Variants in GLG1 observed in about 807,000 individuals in gnomAD.
The protein encoded by GLG1 is golgi glycoprotein 1, also known as Golgi apparatus protein 1.
GLG1 carries 38 observed loss-of-function variants against 160.5 expected under a neutral mutation model. The observed-to-expected ratio is 0.24, with a 90% CI of 0.18 to 0.31. The LOEUF (loss-of-function observed/expected upper bound fraction) is 0.31. GLG1 is among the 10% of genes least tolerant of loss of function. GLG1 has a pLI of 1.00. For synonymous variants in GLG1, 644 were observed against 543.4 expected (o/e 1.19, Z -2.57); for missense variants, 1,373 against 1,505.2 (o/e 0.91, Z 1.45).
At chr16:74,463,522 C>T (rs202230137) in intron 19 of GLG1, 43 bp from the exon 20 acceptor site, 16 of 1,595,970 alleles carry the variant, frequency 1.0e-5, no homozygotes, top group African/African-American at 6.7e-5. Context: ...CTAAACATGG[C>T]GATTAACTCC....
Position 74,532,160 on chromosome 16 carries a change from G to C in GLG1, c.439-7C>G. The C allele has an allele frequency of 1.6e-6, 2 of 1,283,094 alleles. No homozygotes were observed. The highest frequency in any genetic ancestry group is 2.1e-5 in the South Asian group (1 of 47,824). The allele number at this position is 1,283,094 out of a possible 1,614,324, so 79.5% of individuals were successfully genotyped here. On this transcript the variant is annotated splice_polypyrimidine_tract_variant and splice_region_variant and intron_variant, in intron 1 of 25. Transcript: ENST00000422840. ...AAGAAATTTCATTTTCAGGCTAGAA[G>C]AGAAAAAAAAGAAGAGATGATGTAA...
At chr16:74,583,388 TG>T (rs1567539123) in intron 1 of GLG1, among the ~76,000 whole-genome samples, 2 of 152,194 alleles carry the variant, frequency 1.3e-5, no homozygotes, top group Admixed American at 1.3e-4. Context: ...TTGACTTTTT[TG>T]GGGGGTTGGG....
At chr16:74,558,911 G>C (rs1006109744) in intron 1 of GLG1, among the ~76,000 whole-genome samples, 1 of 152,016 alleles carries the variant, frequency 6.6e-6, no homozygotes, top group African/African-American at 2.4e-5. Context: ...TCTTAGAGAC[G>C]GGGTCTCACT....
chr16:74,477,324 T>G, intron 12 of GLG1, 72 bp downstream of exon 12: 1 of 1,089,944 alleles, frequency 9.2e-7, no homozygotes. Flanking sequence ...TTATGGTGTT[T>G]GTACTCTGCA....
intron 2 of GLG1, among the ~76,000 whole-genome samples, chr16:74,518,123 C>G (rs2017040688): frequency 6.6e-6 from 1 of 152,094 alleles, no homozygotes; most frequent in African/African-American, 2.4e-5. Context: ...GGCCTTACTA[C>G]CCAAAGTAAT....
At chr16:74,579,997 A>G (rs1260685757) in intron 1 of GLG1, among the ~76,000 whole-genome samples, 1 of 152,136 alleles carries the variant, frequency 6.6e-6, no homozygotes, top group African/African-American at 2.4e-5. Context: ...TGGGAGGCAG[A>G]GGTTGCAGTG....
intron 1 of GLG1, among the ~76,000 whole-genome samples, chr16:74,588,418 T>G (rs1333027814): frequency 6.6e-6 from 1 of 152,166 alleles, no homozygotes; most frequent in Non-Finnish European, 1.5e-5. Flanking sequence ...GGATTTGAAT[T>G]TAAGCTCTGT....
chr16:74,544,482 G>C (rs1379348131), intron 1 of GLG1, among the ~76,000 whole-genome samples: 1 of 152,022 alleles, frequency 6.6e-6, no homozygotes, highest in Admixed American at 6.6e-5. Context: ...CACCAAGCCT[G>C]GCTAATTTTG....
At chr16:74,460,536 A>G (rs2014749532) in intron 22 of GLG1, among the ~76,000 whole-genome samples, 1 of 152,202 alleles carries the variant, frequency 6.6e-6, no homozygotes, top group East Asian at 1.9e-4. Flanking sequence ...CCCCCTCTTC[A>G]CTGGCCTACT....
At chr16:74,494,852 A>G in intron 5 of GLG1, 21 bp from the exon 6 acceptor site, 1 of 1,174,810 alleles carries the variant, frequency 8.5e-7, no homozygotes, top group Non-Finnish European at 1.3e-6. Flanking sequence ...GAACATACAC[A>G]TTATTATTAC....
At chr16:74,530,036 C>T (rs1440935792) in intron 2 of GLG1, among the ~76,000 whole-genome samples, 1 of 151,598 alleles carries the variant, frequency 6.6e-6, no homozygotes, top group Non-Finnish European at 1.5e-5. Context: ...CTCAAACTCC[C>T]GACCTCAGGT....
At chr16:74,490,860 G>A (rs1235993337) in intron 8 of GLG1, 141 bp downstream of exon 8, 5 of 633,826 alleles carry the variant, frequency 7.9e-6, no homozygotes, top group African/African-American at 1.8e-5. Context: ...AAGAAGCAAC[G>A]TTCAGTCTCT....
intron 16 of GLG1, 49 bp downstream of exon 16, chr16:74,469,936 C>G: frequency 8.5e-7 from 1 of 1,177,754 alleles, no homozygotes; most frequent in Non-Finnish European, 1.3e-6. Flanking sequence ...CATTCCGGAG[C>G]TAAGAGGAAC....
Position 74,474,567 on chromosome 16 carries a change from G to T in GLG1, c.2031C>A (p.Asn677Lys). 2 of 1,549,774 alleles carry T rather than the reference G, an allele frequency of 1.3e-6. No individual in the cohort carries two copies. The highest frequency in any genetic ancestry group is 1.7e-4 in the Middle Eastern group (1 of 5,958). ...TTACCTCTGATTCTAACTCAGTGAG[G>T]TTGCCAACTATATCTCTACACTCCA... is the stretch of plus-strand genomic sequence containing the variant. Reference protein sequence around the residue: ...LVVECRDIVGNLTELESEDIQ... With the variant: ...LVVECRDIVGKLTELESEDIQ... The change falls in exon 13 of 26, where the codon AAC becomes AAA. Residue 677 changes from asparagine (N) to lysine (K), a missense_variant. Coordinates refer to ENST00000422840, the MANE Select transcript of GLG1 (RefSeq NM_001145667.2).
chr16:74,605,126 T>A (rs906472291), intron 1 of GLG1, among the ~76,000 whole-genome samples: 1 of 152,172 alleles, frequency 6.6e-6, no homozygotes, highest in African/African-American at 2.4e-5. Flanking sequence ...CCTTCATTAT[T>A]TCTGTATGTA....
chr16:74,563,663 G>T (rs1242700175), intron 1 of GLG1, among the ~76,000 whole-genome samples: 2 of 138,628 alleles, frequency 1.4e-5, no homozygotes, highest in Non-Finnish European at 3.1e-5. Context: ...GGAGGCAGAG[G>T]TTGCAGGGAG....
At chr16:74,503,510 A>C (rs1458160142) in intron 4 of GLG1, 21 bp downstream of exon 4, 1 of 1,495,880 alleles carries the variant, frequency 6.7e-7, no homozygotes. Flanking sequence ...CCTTTGTTGA[A>C]GCTAACGTAG....
At chr16:74,575,573 A>T (rs1237362069) in intron 1 of GLG1, among the ~76,000 whole-genome samples, 1 of 152,132 alleles carries the variant, frequency 6.6e-6, no homozygotes, top group Non-Finnish European at 1.5e-5. Context: ...ACCAAAATAC[A>T]GCCTCAAAGA....
rs762823736 is a variant in GLG1 at position 74,532,110 on chromosome 16, T to G, written c.471+11A>C. 7.5e-7 allele frequency: 1 copy of G among 1,341,528 alleles called. No homozygotes were observed. The highest frequency in any genetic ancestry group is 2.2e-5 in the Admixed American group (1 of 44,844). The allele number at this position is 1,341,528 out of a possible 1,614,324, so 83.1% of individuals were successfully genotyped here. ...AGCACATATGGCGCATCACAGAAAA[T>G]CCATACTTACATGATTGCAGTCTGA... On this transcript the variant is annotated intron_variant, in intron 2 of 25. Transcript: ENST00000422840.
Sources: allele counts gnomAD v4.1 joint callset (sites outside exome capture counted in the v4.1 genomes callset), GRCh38; gene constraint gnomAD v4.1.1; transcripts MANE v1.5; gene names NCBI Gene and HGNC (gene_info 2026-07-23, HGNC 2026-07-21).